GALNT1: variants seen among roughly 807,000 people sequenced by gnomAD.
GALNT1 encodes the protein polypeptide N-acetylgalactosaminyltransferase 1, also known as GalNAc transferase 1.
GALNT1 carries 17 observed loss-of-function variants against 65.7 expected under a neutral mutation model. That is an observed-to-expected ratio of 0.26 (90% CI 0.18 to 0.39). The LOEUF is 0.39. GALNT1 is among the 10% of genes least tolerant of loss of function. The pLI, the probability that GALNT1 is intolerant of heterozygous loss-of-function variation, is 1.00. For synonymous variants in GALNT1, 210 were observed against 219.7 expected, an observed-to-expected ratio of 0.96 and a Z score of 0.39; for missense variants, 460 against 672.8, an observed-to-expected ratio of 0.68 and a Z score of 3.50.
At chr18:35,612,000 C>T (rs2046724402) in intron 1 of GALNT1, among the ~76,000 whole-genome samples, 1 of 152,078 alleles carries the variant, frequency 6.6e-6, no homozygotes, top group African/African-American at 2.4e-5. Flanking sequence ...TCATTACCAT[C>T]ATTATTTATT....
intron 1 of GALNT1, among the ~76,000 whole-genome samples, chr18:35,590,642 T>C (rs953313453): frequency 6.6e-6 from 1 of 152,226 alleles, no homozygotes; most frequent in African/African-American, 2.4e-5. Context: ...ACATTATGTT[T>C]TATAATTTAT....
chr18:35,600,652 G>A (rs2046570340), intron 1 of GALNT1, among the ~76,000 whole-genome samples: 1 of 152,084 alleles, frequency 6.6e-6, no homozygotes, highest in Non-Finnish European at 1.5e-5. Flanking sequence ...TGTTAGCTGT[G>A]GGTTTGTCAC....
chr18:35,643,531 A>G (rs2047192182), intron 1 of GALNT1, among the ~76,000 whole-genome samples: 1 of 152,226 alleles, frequency 6.6e-6, no homozygotes, highest in Admixed American at 6.5e-5. Flanking sequence ...TGGGAGGCCG[A>G]GGCAGGCAGA....
intron 4 of GALNT1, 72 bp downstream of exon 4, chr18:35,677,829 AT>A: frequency 1.9e-6 from 2 of 1,077,350 alleles, no homozygotes; most frequent in Non-Finnish European, 1.3e-6. Context: ...AGTTGCTATA[AT>A]TTTTAACCTA....
chr18:35,658,873 C>A (rs1346681698), intron 2 of GALNT1, among the ~76,000 whole-genome samples: 1 of 152,050 alleles, frequency 6.6e-6, no homozygotes, highest in Non-Finnish European at 1.5e-5. Flanking sequence ...CCATGCCCAG[C>A]TAATTTTTGT....
intron 9 of GALNT1, among the ~76,000 whole-genome samples, chr18:35,696,224 A>T (rs1308812240): frequency 6.6e-6 from 1 of 152,222 alleles, no homozygotes; most frequent in Non-Finnish European, 1.5e-5. Flanking sequence ...ACCATAGTGC[A>T]GCCCAGGGAT....
chr18:35,585,534 C>G (rs1415003929), intron 1 of GALNT1, among the ~76,000 whole-genome samples: 1 of 152,130 alleles, frequency 6.6e-6, no homozygotes, highest in East Asian at 1.9e-4. Flanking sequence ...AGTACAATTT[C>G]CAGACCTGTA....
intron 11 of GALNT1, among the ~76,000 whole-genome samples, chr18:35,708,378 G>A (rs2048300156): frequency 6.6e-6 from 1 of 152,096 alleles, no homozygotes; most frequent in South Asian, 2.1e-4. Context: ...ACTGTCATCT[G>A]CCAGGTCCTA....
At chr18:35,647,329 A>T (rs2047243904) in intron 1 of GALNT1, among the ~76,000 whole-genome samples, 1 of 152,150 alleles carries the variant, frequency 6.6e-6, no homozygotes, top group Admixed American at 6.5e-5. Flanking sequence ...CCTGGAGCCA[A>T]CTCTGAACTT....
At chr18:35,640,044 C>T (rs1422471403) in intron 1 of GALNT1, among the ~76,000 whole-genome samples, 2 of 152,198 alleles carry the variant, frequency 1.3e-5, no homozygotes, top group African/African-American at 2.4e-5. Flanking sequence ...GTGATCCCCC[C>T]ACCTTGGCCT....
intron 4 of GALNT1, among the ~76,000 whole-genome samples, chr18:35,678,756 C>T (rs532842437): frequency 6.6e-6 from 1 of 152,264 alleles, no homozygotes; most frequent in African/African-American, 2.4e-5. Flanking sequence ...ACTTTCTTGC[C>T]TATTCTCCCA....
chr18:35,677,680 C>G lies in GALNT1; in HGVS notation c.404C>G (p.Thr135Ser), dbSNP rs2047729926. The change falls in exon 4 of 12, where the codon ACT (threonine) becomes AGT (serine). Residue 135 changes from threonine to serine, a missense_variant. Transcript: ENST00000269195. ...HNEAWSTLLR[T>S]VHSVINRSPR... is the part of the protein sequence containing the mutation. Reference sequence around the variant, plus strand: ...GAGGCTTGGAGCACACTTCTGCGAACTGTCCATAGTGTCATTAATCGCTCA... The same window carrying G: ...GAGGCTTGGAGCACACTTCTGCGAAGTGTCCATAGTGTCATTAATCGCTCA... The G allele has an allele frequency of 6.2e-7, 1 of 1,613,004 alleles. No individual in the cohort carries two copies. Among genetic ancestry groups the G allele is most frequent in the African/African-American group, 1.3e-5 (1 of 74,896 alleles).
intron 4 of GALNT1, among the ~76,000 whole-genome samples, chr18:35,681,560 T>A (rs1243876092): frequency 6.6e-6 from 1 of 152,062 alleles, no homozygotes; most frequent in Non-Finnish European, 1.5e-5. Flanking sequence ...GGGATTAGAT[T>A]GCTTTAGTTC....
rs544750203 is a variant in GALNT1, at chr18:35,657,535, A to G, written c.139+2734A>G. Among the ~76,000 whole-genome samples, 5 of 152,100 alleles carry G rather than the reference A, an allele frequency of 3.3e-5. No homozygotes were observed. The East Asian group carries it at 9.7e-4, about 30-fold the overall frequency. On this transcript the variant is annotated intron_variant, in intron 2 of 11. Transcript: ENST00000269195. ...GTATGTGTAGAGTTGGAAGACACAG[A>G]CTCCCTGTTGGAGAGCCCCTCCTGG...
chr18:35,619,257 C>T (rs986422491), intron 1 of GALNT1, among the ~76,000 whole-genome samples: 8 of 152,112 alleles, frequency 5.3e-5, no homozygotes, highest in Admixed American at 3.3e-4. Flanking sequence ...CTAAAATCTA[C>T]CCCTAACTCA....
chr18:35,585,069 C>T (rs1174981356), intron 1 of GALNT1, among the ~76,000 whole-genome samples: 2 of 152,192 alleles, frequency 1.3e-5, no homozygotes, highest in Non-Finnish European at 2.9e-5. Flanking sequence ...GTAAAGGATG[C>T]TGGAGAGATT....
intron 2 of GALNT1, among the ~76,000 whole-genome samples, chr18:35,662,010 G>T (rs531401439): frequency 6.6e-6 from 1 of 152,038 alleles, no homozygotes; most frequent in Non-Finnish European, 1.5e-5. Context: ...AACTCTGCCG[G>T]TTCCTTTTGA....
At chr18:35,677,909 A>AG (rs2047733321) in intron 4 of GALNT1, 152 bp downstream of exon 4, 2 of 558,936 alleles carry the variant, frequency 3.6e-6, no homozygotes, top group Non-Finnish European at 6.1e-6. Context: ...TATGTAAAAA[A>AG]GTACACCCTT....
At chr18:35,698,532 C>T (rs2048100034) in intron 9 of GALNT1, among the ~76,000 whole-genome samples, 1 of 151,936 alleles carries the variant, frequency 6.6e-6, no homozygotes, top group African/African-American at 2.4e-5. Context: ...GAATTTAAAG[C>T]CTGGTTCTTC....
Sources: gnomAD v4.1 joint callset for allele counts (sites outside exome capture counted in the v4.1 genomes callset) on GRCh38, gnomAD v4.1.1 for gene constraint, MANE v1.5 for transcripts, NCBI Gene and HGNC (gene_info 2026-07-23, HGNC 2026-07-21) for gene names.